SYNE2: variants seen among roughly 807,000 people sequenced by gnomAD.
SYNE2 encodes nesprin-2.
Under a neutral mutation model 856.3 loss-of-function variants are expected in SYNE2, and 431 were observed. The ratio of observed to expected loss-of-function variants is 0.50; its 90% confidence interval spans 0.47 to 0.55. SYNE2 has a LOEUF of 0.55. Ranked by LOEUF, SYNE2 falls within the 20% of genes least tolerant of loss-of-function variation. SYNE2 has a pLI of 0.00. For missense variants in SYNE2, 8,129 were observed against 8,023.2 expected, an observed-to-expected ratio of 1.01 and a Z score of -0.50; for synonymous variants, 2,923 against 2,872.3, an observed-to-expected ratio of 1.02 and a Z score of -0.56.
rs147744381 is a variant in SYNE2, at chr14:64,091,009, A to G, written c.11937A>G (p.Leu3979=). Residue 3979 remains leucine, a synonymous_variant, in exon 60 of 116, where the codon CTA becomes CTG. Transcript: ENST00000555002. ...RTNQLLQDIK[L]LENVTQEQNE... ...ATCAGCTTTTACAAGATATAAAACT[A>G]TTGGAAAATGTGACTCAAGAACAAA... 2.5e-5 allele frequency: 40 copies of G among 1,614,040 alleles called. No individual in the cohort carries two copies. Among genetic ancestry groups the G allele is most frequent in the African/African-American group, 1.9e-4 (14 of 74,944 alleles).
chr14:64,201,259 C>T (rs2098563121), intron 99 of SYNE2, among the ~76,000 whole-genome samples: 1 of 152,140 alleles, frequency 6.6e-6, no homozygotes, highest in East Asian at 1.9e-4. Flanking sequence ...TGCGGGTGTA[C>T]TTGAAATAAG....
At chr14:63,875,038 CCT>C (rs2140462136) in intron 1 of SYNE2, among the ~76,000 whole-genome samples, 1 of 151,244 alleles carries the variant, frequency 6.6e-6, no homozygotes, top group African/African-American at 2.4e-5. Flanking sequence ...AAAATTCAAA[CCT>C]CTGATTTTTT....
intron 41 of SYNE2, among the ~76,000 whole-genome samples, chr14:64,025,938 A>C (rs1010360866): frequency 1.1e-4 from 16 of 152,078 alleles, no homozygotes; most frequent in Non-Finnish European, 2.4e-4. Flanking sequence ...AATTATAATA[A>C]ATTTAAAAAT....
intron 1 of SYNE2, among the ~76,000 whole-genome samples, chr14:63,785,830 G>A (rs574005412): frequency 2.8e-4 from 42 of 152,244 alleles, no homozygotes; most frequent in African/African-American, 9.6e-4. Context: ...AACAGCACAG[G>A]CATGGTGGCT....
chr14:64,012,868 T>C (rs2096857586), intron 32 of SYNE2, among the ~76,000 whole-genome samples: 1 of 152,248 alleles, frequency 6.6e-6, no homozygotes, highest in African/African-American at 2.4e-5. Flanking sequence ...AAACAGTCCA[T>C]TTCTGTAGCA....
At chr14:63,897,661 G>T (rs150159312) in intron 1 of SYNE2, among the ~76,000 whole-genome samples, 8 of 152,186 alleles carry the variant, frequency 5.3e-5, no homozygotes, top group Admixed American at 5.2e-4. Flanking sequence ...AGCCGGTGCT[G>T]TTCTGGCCTC....
chr14:64,144,622 TAATC>T lies in SYNE2; in HGVS notation c.15483+676_15483+679del, dbSNP rs764559667. ...TAATGCACTTAATTAGAAAAAAAAT[TAATC>T]AGATAAGGACAAAAACCCAAAGCTG... On this transcript the variant is annotated intron_variant, in intron 83 of 115. Coordinates refer to ENST00000555002, the MANE Select transcript of SYNE2 (RefSeq NM_182914.3). Among the ~76,000 whole-genome samples, 1,266 of 152,200 alleles carry T rather than the reference TAATC, an allele frequency of 8.3e-3. 14 individuals are homozygous for T. The highest frequency in any genetic ancestry group is 0.028 in the African/African-American group (1,172 of 41,532).
intron 1 of SYNE2, among the ~76,000 whole-genome samples, chr14:63,806,876 T>C (rs563133463): frequency 8.4e-5 from 10 of 119,052 alleles, no homozygotes; most frequent in Non-Finnish European, 1.5e-4. Flanking sequence ...AAACTTAAAA[T>C]TTTTTTTTTT....
rs943666082 is a variant in SYNE2, at chr14:64,140,069, T to G, written c.14972T>G (p.Phe4991Cys). The G allele has an allele frequency of 1.2e-6, 2 of 1,613,340 alleles. No homozygotes were observed. The highest frequency in any genetic ancestry group is 1.7e-6 in the Non-Finnish European group (2 of 1,179,918). The change falls in exon 80 of 116, where the codon TTT becomes TGT. Residue 4991 changes from phenylalanine to cysteine, a missense_variant. By Grantham distance (205) the Phe-to-Cys change is radical (BLOSUM62 -2). Transcript: ENST00000555002. ...ACAATCAGAAGCAACATCAACAATT[T>G]TTTTGTAAGTTGTAATAGCATATGT... ...LDTIRSNINN[F>C]FEFSKEVDEK...
chr14:64,169,059 C>T lies in SYNE2; in HGVS notation c.17000+88C>T, dbSNP rs1362602295. 7 of 1,016,154 alleles carry T rather than the reference C, an allele frequency of 6.9e-6. No homozygotes were observed. The Middle Eastern group carries it at 6.1e-4, about 89-fold the overall frequency. 62.9% of individuals were successfully genotyped at this position (1,016,154 alleles called of 1,614,324 possible). Reference sequence around the variant, plus strand: ...AGGCTTTCCACCATGTGAACCTTGACCATGTTGGTGCCCTGTGCCCTGTTG... The same window carrying T: ...AGGCTTTCCACCATGTGAACCTTGATCATGTTGGTGCCCTGTGCCCTGTTG... On this transcript the variant is annotated intron_variant, in intron 93 of 115. Transcript: ENST00000555002.
chr14:63,931,077 G>A (rs548933823), intron 2 of SYNE2, among the ~76,000 whole-genome samples: 1 of 152,064 alleles, frequency 6.6e-6, no homozygotes, highest in African/African-American at 2.4e-5. Flanking sequence ...ATAGAATAGA[G>A]GACACCCACT....
intron 2 of SYNE2, among the ~76,000 whole-genome samples, chr14:63,917,123 C>A (rs1218436904): frequency 6.6e-6 from 1 of 152,000 alleles, no homozygotes; most frequent in Admixed American, 6.6e-5. Flanking sequence ...TTAATAAAGG[C>A]TTCTGGGTGG....
chr14:64,000,674 C>T lies in SYNE2; in HGVS notation c.3593C>T (p.Thr1198Ile). 3 of 1,613,352 alleles carry T rather than the reference C, an allele frequency of 1.9e-6. No homozygotes were observed. Among genetic ancestry groups the T allele is most frequent in the South Asian group, 2.2e-5 (2 of 91,004 alleles). ...KKPFVIKERD[T>I]LKERERELQM... is the part of the protein sequence containing the mutation. Reference sequence around the variant, plus strand: ...CCTTTTGTAATTAAGGAAAGAGACACACTAAAGGAAAGAGAAAGAGAGCTT... The same window carrying T: ...CCTTTTGTAATTAAGGAAAGAGACATACTAAAGGAAAGAGAAAGAGAGCTT... The change falls in exon 28 of 116, where the codon ACA (threonine) becomes ATA (isoleucine). Residue 1198 changes from threonine to isoleucine, a missense_variant. By Grantham distance (89) the Thr-to-Ile change is moderately conservative (BLOSUM62 -1). This residue lies in a region of SYNE2 where 2,422 missense variants were observed against 2,357.4 expected (regional missense o/e 1.03). Coordinates refer to ENST00000555002, the MANE Select transcript of SYNE2 (RefSeq NM_182914.3).
Position 64,126,840 on chromosome 14 carries a change from CT to C in SYNE2, c.13917+34del, listed in dbSNP as rs1567381840. ...TCCGAGCACACAGCCTATTTTGGCA[CT>C]GTTTTAAGTTACAGCATGAACCCCT... On this transcript the variant is annotated intron_variant, in intron 73 of 115. Transcript: ENST00000555002. The C allele has an allele frequency of 1.9e-6, 3 of 1,602,078 alleles. No homozygotes were observed. The Admixed American group carries it at 5.0e-5, about 27-fold the overall frequency.
chr14:64,158,576 T>G (rs761577024), intron 85 of SYNE2, 49 bp from the exon 86 acceptor site: 1 of 1,596,778 alleles, frequency 6.3e-7, no homozygotes, highest in Non-Finnish European at 8.6e-7. Flanking sequence ...TTGGAGAGCA[T>G]GTCTTCTCAG....
chr14:63,849,816 T>C (rs1488630274), upstream of SYNE2, among the ~76,000 whole-genome samples: 2 of 152,144 alleles, frequency 1.3e-5, no homozygotes, highest in African/African-American at 2.4e-5. Flanking sequence ...TAGACCATGA[T>C]TTTTGTTAGT....
At chr14:63,887,701 T>C (rs8005899) in intron 1 of SYNE2, among the ~76,000 whole-genome samples, 103,635 of 150,742 alleles carry the variant, frequency 0.69, 35,757 homozygotes, top group South Asian at 0.77. Flanking sequence ...GCTTTAATAT[T>C]GGTGAGATGA....
At chr14:63,771,207 C>T (rs1311590376) in intron 1 of SYNE2, among the ~76,000 whole-genome samples, 1 of 151,584 alleles carries the variant, frequency 6.6e-6, no homozygotes, top group Non-Finnish European at 1.5e-5. Context: ...GTAGCTGGGA[C>T]TACAGGCGCC....
intron 94 of SYNE2, among the ~76,000 whole-genome samples, chr14:64,173,426 C>T (rs1044618176): frequency 2.0e-5 from 3 of 152,052 alleles, no homozygotes; most frequent in Non-Finnish European, 2.9e-5. Context: ...GTGTGCTGCT[C>T]CTGAGGGTGC....
Sources: gnomAD v4.1 joint callset for allele counts (sites outside exome capture counted in the v4.1 genomes callset) on GRCh38, gnomAD v4.1.1 for gene constraint, gnomAD v4.1.1 regional missense constraint, MANE v1.5 for transcripts, NCBI Gene and HGNC (gene_info 2026-07-23, HGNC 2026-07-21) for gene names.